LAMA3: variants seen among roughly 807,000 people sequenced by gnomAD.
LAMA3 encodes laminin subunit alpha 3.
In LAMA3, 281 loss-of-function variants were observed where a neutral mutation model predicts 402.0. The observed-to-expected ratio is 0.70, with a 90% CI of 0.63 to 0.77. LAMA3 has a LOEUF of 0.77. Ranked by LOEUF, LAMA3 falls within the 30% of genes least tolerant of loss-of-function variation. The pLI is 0.00. For synonymous variants in LAMA3, 1,431 were observed against 1,558.4 expected (o/e 0.92, Z 1.93); for missense variants, 3,840 against 4,215.5 (o/e 0.91, Z 2.47).
chr18:23,760,167 C>T (rs1197476630), intron 7 of LAMA3, among the ~76,000 whole-genome samples: 4 of 152,010 alleles, frequency 2.6e-5, no homozygotes, highest in Non-Finnish European at 5.9e-5. Context: ...TTTAAATCTC[C>T]TTTAATAAGT....
At chr18:23,841,660 C>T (rs1169005226) in intron 27 of LAMA3, among the ~76,000 whole-genome samples, 1 of 152,162 alleles carries the variant, frequency 6.6e-6, no homozygotes, top group African/African-American at 2.4e-5. Context: ...CAGTGGTTCA[C>T]ACTTGTGATC....
chr18:23,914,343 A>G, intron 56 of LAMA3, 67 bp from the exon 57 acceptor site: 1 of 1,565,698 alleles, frequency 6.4e-7, no homozygotes, highest in Non-Finnish European at 8.8e-7. Flanking sequence ...ATGCATCCTC[A>G]TCCTCTTGGG....
At position 23,905,600 on chromosome 18, in the gene LAMA3, A is replaced by T. The variant is rs768986465; in HGVS notation, c.6694A>T (p.Met2232Leu). The change falls in exon 52 of 75, where the codon ATG (methionine) becomes TTG (leucine). Residue 2232 changes from methionine to leucine, a missense_variant. Around this residue, in one of 3 missense-constraint regions of LAMA3, gnomAD observed 891 missense variants for 857.5 expected, o/e 1.04. Coordinates refer to ENST00000313654, the MANE Select transcript of LAMA3 (RefSeq NM_198129.4). ...TGATAAACTGTTAAATGAAGCCAAG[A>T]TGACACAAAAGAAGCTAAAGCAAGG... is the stretch of plus-strand genomic sequence containing the variant. ...NSDKLLNEAK[M>L]TQKKLKQEVS... is the part of the protein sequence containing the mutation. 1 of 1,609,764 alleles carries T rather than the reference A, an allele frequency of 6.2e-7. No homozygotes were observed. The highest frequency in any genetic ancestry group is 2.2e-5 in the East Asian group (1 of 44,798).
At chr18:23,861,836 C>G in intron 35 of LAMA3, 29 bp downstream of exon 35, 1 of 1,592,504 alleles carries the variant, frequency 6.3e-7, no homozygotes, top group East Asian at 2.3e-5. Context: ...TCTTCTGGGC[C>G]CTCAGTGGGC....
intron 20 of LAMA3, among the ~76,000 whole-genome samples, chr18:23,823,598 G>A (rs1400741875): frequency 3.9e-5 from 6 of 152,168 alleles, no homozygotes; most frequent in Non-Finnish European, 7.3e-5. Flanking sequence ...CCAGCAGGGA[G>A]CAAAGGCCAT....
intron 39 of LAMA3, among the ~76,000 whole-genome samples, chr18:23,877,264 C>T (rs1320028356): frequency 1.3e-5 from 2 of 152,202 alleles, no homozygotes; most frequent in African/African-American, 2.4e-5. Flanking sequence ...AGCATATCCA[C>T]TGGAACATGA....
intron 12 of LAMA3, among the ~76,000 whole-genome samples, chr18:23,790,013 G>C (rs1345908305): frequency 2.0e-5 from 3 of 152,142 alleles, no homozygotes; most frequent in African/African-American, 7.2e-5. Flanking sequence ...GAGTTAAAAG[G>C]AATTGAAATC....
intron 1 of LAMA3, among the ~76,000 whole-genome samples, chr18:23,708,097 G>A (rs568034007): frequency 1.5e-4 from 23 of 152,120 alleles, no homozygotes; most frequent in Non-Finnish European, 2.6e-4. Flanking sequence ...TTGCATTTGC[G>A]ACTTGAGTAG....
intron 38 of LAMA3, 70 bp from the exon 39 acceptor site, chr18:23,876,224 G>A: frequency 1.0e-6 from 1 of 969,098 alleles, no homozygotes. Flanking sequence ...CACAGTGAGA[G>A]GTGTCACATG....
chr18:23,818,396 G>A (rs990078119), intron 18 of LAMA3, among the ~76,000 whole-genome samples: 4 of 152,162 alleles, frequency 2.6e-5, no homozygotes, highest in African/African-American at 9.7e-5. Context: ...AGTTTAGAGC[G>A]TGTCCTTGGA....
At chr18:23,881,688 G>A (rs2064900043) in intron 39 of LAMA3, among the ~76,000 whole-genome samples, 1 of 152,226 alleles carries the variant, frequency 6.6e-6, no homozygotes, top group East Asian at 1.9e-4. Flanking sequence ...TGGGGACTCA[G>A]CTGGCTTGTC....
chr18:23,853,995 A>G (rs2064005276), intron 32 of LAMA3, among the ~76,000 whole-genome samples: 1 of 152,210 alleles, frequency 6.6e-6, no homozygotes, highest in South Asian at 2.1e-4. Flanking sequence ...AGTACTCAAG[A>G]ATATAGATAT....
Position 23,689,525 on chromosome 18 carries a change from G to C in LAMA3, c.-159G>C. The stretch of plus-strand genomic sequence containing the variant: ...GCTGAGAGGCCACCCCCACGCCGCG[G>C]GCTTCCAGCGCGTGGAGCAAGGGGA... On this transcript the variant is annotated 5_prime_UTR_variant, in exon 1 of 75. Transcript: ENST00000313654. 1 of 641,356 alleles carries C rather than the reference G, an allele frequency of 1.6e-6. No homozygotes were observed. Among genetic ancestry groups the C allele is most frequent in the Non-Finnish European group, 2.2e-6 (1 of 454,954 alleles). 39.7% of individuals were successfully genotyped at this position (641,356 alleles called of 1,614,324 possible).
chr18:23,794,282 A>G (rs923912282), intron 12 of LAMA3, among the ~76,000 whole-genome samples: 1 of 152,262 alleles, frequency 6.6e-6, no homozygotes, highest in Non-Finnish European at 1.5e-5. Context: ...AAAAGAGGGC[A>G]GGAAAAGGTC....
At chr18:23,714,481 C>T (rs2061058784) in intron 2 of LAMA3, among the ~76,000 whole-genome samples, 1 of 152,114 alleles carries the variant, frequency 6.6e-6, no homozygotes, top group Non-Finnish European at 1.5e-5. Flanking sequence ...GATCGCGCCA[C>T]TGCACTCCAG....
intron 12 of LAMA3, among the ~76,000 whole-genome samples, chr18:23,809,064 A>G (rs2063018371): frequency 6.6e-6 from 1 of 152,216 alleles, no homozygotes; most frequent in African/African-American, 2.4e-5. Flanking sequence ...GAAAGTGTAA[A>G]GAGCACCTCC....
chr18:23,731,197 A>G (rs1306511352), intron 2 of LAMA3, among the ~76,000 whole-genome samples: 1 of 152,208 alleles, frequency 6.6e-6, no homozygotes, highest in Non-Finnish European at 1.5e-5. Context: ...TCATTCCCAG[A>G]GAATTTTTTC....
chr18:23,949,988 A>G (rs548960831), intron 71 of LAMA3, 41 bp from the exon 72 acceptor site: 3 of 1,614,036 alleles, frequency 1.9e-6, no homozygotes, highest in African/African-American at 2.7e-5. Context: ...GTTTTCTTTC[A>G]TGGTGATGCT....
intron 60 of LAMA3, 133 bp downstream of exon 60, chr18:23,916,828 T>G (rs2081643168): frequency 2.2e-6 from 2 of 911,198 alleles, no homozygotes; most frequent in African/African-American, 1.6e-5. Context: ...ATCCTTTTCC[T>G]CCACCCAGTT....
Sources: allele counts gnomAD v4.1 joint callset (sites outside exome capture counted in the v4.1 genomes callset), GRCh38; gene constraint gnomAD v4.1.1; regional missense constraint gnomAD v4.1.1; transcripts MANE v1.5; gene names NCBI Gene and HGNC (gene_info 2026-07-23, HGNC 2026-07-21).